DPP6: variants seen among roughly 807,000 people sequenced by gnomAD.
DPP6 encodes A-type potassium channel modulatory protein DPP6.
In DPP6, 69 loss-of-function variants were observed where a neutral mutation model predicts 122.6. The observed-to-expected ratio is 0.56, with a 90% confidence interval of 0.46 to 0.69. The LOEUF (loss-of-function observed/expected upper bound fraction) is 0.69, where lower values mean the gene tolerates loss of function less well. DPP6 is among the 30% of genes least tolerant of loss of function. The pLI is 0.00. For synonymous variants in DPP6, 418 were observed against 433.1 expected, an observed-to-expected ratio of 0.97 and a Z score of 0.43; for missense variants, 928 against 1,116.9, an observed-to-expected ratio of 0.83 and a Z score of 2.41.
chr7:153,753,406 A>T, the DPP6 span, among the ~76,000 whole-genome samples: 1 of 152,140 alleles, frequency 6.6e-6, no homozygotes, highest in Non-Finnish European at 1.5e-5. Flanking sequence ...ACACCATTTG[A>T]TAATTAGGAT....
chr7:154,425,550 C>G (rs549194249), intron 1 of DPP6, among the ~76,000 whole-genome samples: 4 of 150,904 alleles, frequency 2.7e-5, no homozygotes, highest in Non-Finnish European at 4.4e-5. Context: ...AGTGTGGTGG[C>G]CTCAGGGGAA....
intron 17 of DPP6, among the ~76,000 whole-genome samples, chr7:154,862,673 C>T (rs935869704): frequency 2.0e-4 from 30 of 152,336 alleles, no homozygotes; most frequent in Non-Finnish European, 3.8e-4. Flanking sequence ...CCACTGCACC[C>T]GCTCATCCGT....
chr7:154,344,723 C>T (rs769829413), intron 1 of DPP6, among the ~76,000 whole-genome samples: 1 of 152,034 alleles, frequency 6.6e-6, no homozygotes, highest in Non-Finnish European at 1.5e-5. Flanking sequence ...CCCATCTCTA[C>T]TAAAAATACA....
intron 1 of DPP6, among the ~76,000 whole-genome samples, chr7:153,947,104 T>C (rs1259937346): frequency 6.6e-6 from 1 of 152,138 alleles, no homozygotes; most frequent in Non-Finnish European, 1.5e-5. Context: ...TCTCTTGCAC[T>C]CCCTCTTAGC....
upstream of DPP6, among the ~76,000 whole-genome samples, chr7:154,049,167 C>T (rs1171201116): frequency 2.0e-5 from 3 of 150,122 alleles, no homozygotes; most frequent in Non-Finnish European, 4.4e-5. Flanking sequence ...TCTGCTTCAT[C>T]GCCACAGTGT....
At chr7:154,264,498 A>G (rs2150921234) in intron 1 of DPP6, among the ~76,000 whole-genome samples, 1 of 152,302 alleles carries the variant, frequency 6.6e-6, no homozygotes, top group South Asian at 2.1e-4. Context: ...AAAATGGGTA[A>G]TAACAATGTC....
At chr7:153,918,466 A>ACACT (rs1379555083) in intron 1 of DPP6, among the ~76,000 whole-genome samples, 13 of 96,002 alleles carry the variant, frequency 1.4e-4, no homozygotes, top group Middle Eastern at 6.1e-3. Flanking sequence ...ACACACACAC[A>ACACT]CTCTCTCTCT....
At position 154,392,687 on chromosome 7, in the gene DPP6, C is replaced by T; in HGVS notation, c.244-53527C>T. Among the ~76,000 whole-genome samples, 2 of 152,230 alleles carry T rather than the reference C, an allele frequency of 1.3e-5. 1 individual carries two copies. Among genetic ancestry groups the T allele is most frequent in the Non-Finnish European group, 2.9e-5 (2 of 68,044 alleles). ...GTTAATTAGAAAATTAAATTAACTACAATCCTCATTCCCAGAGCTTTCTGG... is the reference window on the plus strand; with the variant it reads ...GTTAATTAGAAAATTAAATTAACTATAATCCTCATTCCCAGAGCTTTCTGG... On this transcript the variant is annotated intron_variant, in intron 1 of 25. Coordinates refer to ENST00000377770, the MANE Select transcript of DPP6 (RefSeq NM_130797.4).
At chr7:154,628,423 C>T (rs1332617567) in intron 5 of DPP6, among the ~76,000 whole-genome samples, 6 of 152,220 alleles carry the variant, frequency 3.9e-5, no homozygotes, top group African/African-American at 1.4e-4. Flanking sequence ...CTCCAAGCAT[C>T]TCTCAGGTAG....
intron 1 of DPP6, among the ~76,000 whole-genome samples, chr7:154,440,742 C>G (rs1357648215): frequency 1.3e-5 from 2 of 152,180 alleles, no homozygotes; most frequent in Non-Finnish European, 2.9e-5. Flanking sequence ...AAATAATTTA[C>G]TTCACTTCCT....
intron 1 of DPP6, among the ~76,000 whole-genome samples, chr7:154,064,179 C>G (rs1317588507): frequency 2.6e-5 from 4 of 152,150 alleles, no homozygotes; most frequent in Admixed American, 2.6e-4. Flanking sequence ...TCCCGCTCCC[C>G]GTTCAGGCTG....
chr7:153,979,773 A>T (rs555949541), intron 1 of DPP6, among the ~76,000 whole-genome samples: 21 of 152,272 alleles, frequency 1.4e-4, no homozygotes, highest in African/African-American at 4.3e-4. Flanking sequence ...GAATTTTATC[A>T]AAGGCCTTTT....
At chr7:154,765,035 A>G (rs530503254) in intron 8 of DPP6, among the ~76,000 whole-genome samples, 1 of 152,296 alleles carries the variant, frequency 6.6e-6, no homozygotes, top group East Asian at 1.9e-4. Context: ...TGGGAATTAG[A>G]TTTCAACATG....
At chr7:153,792,689 T>A in the DPP6 span, among the ~76,000 whole-genome samples, 2 of 151,820 alleles carry the variant, frequency 1.3e-5, no homozygotes, top group African/African-American at 2.4e-5. Flanking sequence ...GGATTGGAAG[T>A]TTATTTTAAA....
intron 4 of DPP6, among the ~76,000 whole-genome samples, chr7:154,541,216 G>C (rs149836443): frequency 5.1e-4 from 78 of 152,268 alleles, no homozygotes; most frequent in Non-Finnish European, 9.6e-4. Flanking sequence ...TTGCAGCCTT[G>C]ACCTCCCAAG....
chr7:154,686,326 C>T (rs1435807889), intron 7 of DPP6, among the ~76,000 whole-genome samples: 2 of 151,934 alleles, frequency 1.3e-5, no homozygotes, highest in East Asian at 1.9e-4. Context: ...CTATGAGAAG[C>T]CTTTGAACAC....
intron 1 of DPP6, among the ~76,000 whole-genome samples, chr7:154,363,112 C>T: frequency 6.6e-6 from 1 of 152,196 alleles, no homozygotes; most frequent in Non-Finnish European, 1.5e-5. Context: ...GTTTCCAAAG[C>T]TCTCCCAGTG....
intron 1 of DPP6, among the ~76,000 whole-genome samples, chr7:154,161,113 A>G (rs1287586046): frequency 6.6e-6 from 1 of 152,252 alleles, no homozygotes; most frequent in Non-Finnish European, 1.5e-5. Flanking sequence ...TAATAGATAT[A>G]TCCAAAAATG....
chr7:154,588,004 T>C (rs557588040), intron 5 of DPP6: 1 of 1,610,668 alleles, frequency 6.2e-7, no homozygotes, highest in East Asian at 2.2e-5. Flanking sequence ...GTGTGGCAGG[T>C]GTGAGGCATC....
Sources: allele counts gnomAD v4.1 joint callset (sites outside exome capture counted in the v4.1 genomes callset), GRCh38; gene constraint gnomAD v4.1.1; transcripts MANE v1.5; gene names NCBI Gene and HGNC (gene_info 2026-07-23, HGNC 2026-07-21).